Variants in GRIP1 observed in about 807,000 individuals in gnomAD.
GRIP1 encodes glutamate receptor-interacting protein 1.
A neutral mutation model predicts 129.9 loss-of-function variants in GRIP1; 45 were observed. The observed-to-expected ratio is 0.35, with a 90% CI of 0.27 to 0.44. The LOEUF is 0.44. Among genes scored for constraint, GRIP1 ranks in the 20% least tolerant of loss-of-function variants. The pLI, the probability that GRIP1 is intolerant of heterozygous loss-of-function variation, is 1.00. For missense variants in GRIP1, 1,196 were observed against 1,396.8 expected, an observed-to-expected ratio of 0.86 and a Z score of 2.29; for synonymous variants, 530 against 520.8, an observed-to-expected ratio of 1.02 and a Z score of -0.24.
At chr12:66,609,401 G>A (rs1375509672) in intron 1 of GRIP1, among the ~76,000 whole-genome samples, 1 of 152,020 alleles carries the variant, frequency 6.6e-6, no homozygotes, top group Admixed American at 6.6e-5. Context: ...TTTTATTTAA[G>A]CTATGGGCTA....
chr12:66,356,097 T>G (rs1322302733), intron 23 of GRIP1, among the ~76,000 whole-genome samples: 1 of 152,148 alleles, frequency 6.6e-6, no homozygotes, highest in Non-Finnish European at 1.5e-5. Context: ...CAGGCCGGCC[T>G]ATCTGTGGGC....
chr12:66,679,075 C>A lies in GRIP1; in HGVS notation c.-171G>T, dbSNP rs528883817. 6.6e-7 allele frequency: 1 copy of A among 1,509,170 alleles called. No homozygotes were observed. The highest frequency in any genetic ancestry group is 8.9e-7 in the Non-Finnish European group (1 of 1,129,132). 93.5% of individuals were successfully genotyped at this position (1,509,170 alleles called of 1,614,324 possible). A position where few individuals can be genotyped will look rare whatever the true frequency, so the allele number is the denominator to read the frequency against. On this transcript the variant is annotated 5_prime_UTR_variant, in exon 1 of 25. Coordinates refer to ENST00000359742, the MANE Select transcript of GRIP1 (RefSeq NM_001366722.1). ...GATGCAGAGGTCCGCTACATGTCATCTGGCAAATCTGTGTCATTCACTACT... is the reference window on the plus strand; with the variant it reads ...GATGCAGAGGTCCGCTACATGTCATATGGCAAATCTGTGTCATTCACTACT...
At chr12:66,713,809 G>A (rs1007855645) in intron 1 of GRIP1, among the ~76,000 whole-genome samples, 3 of 152,166 alleles carry the variant, frequency 2.0e-5, no homozygotes, top group East Asian at 1.9e-4. Flanking sequence ...TCTGTCAACA[G>A]AAACTAGGTC....
intron 2 of GRIP1, among the ~76,000 whole-genome samples, chr12:66,557,027 C>A (rs2062359403): frequency 6.6e-6 from 1 of 151,710 alleles, no homozygotes; most frequent in South Asian, 2.1e-4. Flanking sequence ...AATCAAGAGA[C>A]ACAGAGTGGC....
intron 1 of GRIP1, among the ~76,000 whole-genome samples, chr12:66,742,393 C>T (rs1285735958): frequency 6.6e-6 from 1 of 152,140 alleles, no homozygotes; most frequent in Non-Finnish European, 1.5e-5. Flanking sequence ...GTATAAATTG[C>T]TACACGCAGC....
chr12:67,026,379 C>T lies in GRIP1; in HGVS notation c.58+42671G>A, dbSNP rs546352584. Among the ~76,000 whole-genome samples the T allele has an allele frequency of 1.4e-4, 22 of 152,226 alleles. No individual in the cohort carries two copies. In the South Asian group the frequency reaches 4.6e-3, roughly 32 times the overall value. On this transcript the variant is annotated intron_variant, in intron 1 of 1. Transcript: ENST00000643019. ...TTTTTCTCAAGCTTGTTTTCTACTTCCTTACTTTTGACTTCCATAGTGTCC... is the reference window on the plus strand; with the variant it reads ...TTTTTCTCAAGCTTGTTTTCTACTTTCTTACTTTTGACTTCCATAGTGTCC...
chr12:67,033,752 T>G (rs2043055826), intron 1 of GRIP1, among the ~76,000 whole-genome samples: 1 of 152,188 alleles, frequency 6.6e-6, no homozygotes, highest in Admixed American at 6.5e-5. Flanking sequence ...CCTGAACCAT[T>G]GGTTGTCTCA....
chr12:66,618,811 A>G (rs911770169), intron 1 of GRIP1, among the ~76,000 whole-genome samples: 1 of 152,142 alleles, frequency 6.6e-6, no homozygotes, highest in Non-Finnish European at 1.5e-5. Context: ...TATTGGATGG[A>G]GACTGCTGAA....
chr12:66,688,656 T>C (rs1010741932), intron 1 of GRIP1, among the ~76,000 whole-genome samples: 1 of 152,046 alleles, frequency 6.6e-6, no homozygotes, highest in African/African-American at 2.4e-5. Flanking sequence ...AGGGTCCTTT[T>C]CTTTCACTTA....
At chr12:66,712,968 A>G (rs1249144996) in intron 1 of GRIP1, among the ~76,000 whole-genome samples, 1 of 152,036 alleles carries the variant, frequency 6.6e-6, no homozygotes, top group Non-Finnish European at 1.5e-5. Flanking sequence ...GATTAAGTCT[A>G]GAACAAATGG....
chr12:66,899,814 CTT>C (rs1008644030), intron 1 of GRIP1, among the ~76,000 whole-genome samples: 4 of 152,194 alleles, frequency 2.6e-5, no homozygotes, highest in Non-Finnish European at 5.9e-5. Flanking sequence ...CTCTGGGCCT[CTT>C]TGAAAATCTC....
At chr12:66,615,283 T>C (rs925608985) in intron 1 of GRIP1, among the ~76,000 whole-genome samples, 2 of 152,164 alleles carry the variant, frequency 1.3e-5, no homozygotes, top group Non-Finnish European at 1.5e-5. Context: ...ATCATGTTTT[T>C]TGTCATAGAG....
At chr12:66,552,651 G>A (rs183935054) in intron 2 of GRIP1, among the ~76,000 whole-genome samples, 24 of 152,296 alleles carry the variant, frequency 1.6e-4, no homozygotes, top group African/African-American at 4.8e-4. Context: ...CCAAAAGAAT[G>A]TATAGATGAA....
intron 1 of GRIP1, among the ~76,000 whole-genome samples, chr12:67,043,728 C>G (rs1294100606): frequency 6.6e-6 from 1 of 152,134 alleles, no homozygotes; most frequent in Non-Finnish European, 1.5e-5. Context: ...AGAAAAACCC[C>G]ATAATCCACA....
rs2037192612 is a variant in GRIP1, at chr12:66,753,505, A to G, written c.-420+50548T>C. Among the ~76,000 whole-genome samples, 3 of 152,208 alleles carry G rather than the reference A, an allele frequency of 2.0e-5. No individual in the cohort carries two copies. In the South Asian group the frequency reaches 6.2e-4, roughly 32 times the overall value. On this transcript the variant is annotated intron_variant, in intron 1 of 4. Coordinates refer to the GRIP1 transcript ENST00000538373. The stretch of plus-strand genomic sequence containing the variant: ...GACCTGTGACCTAAGTGAAAAATAA[A>G]TCACCTATGATGTTATGCCACTGAG...
At chr12:66,389,757 T>A (rs1268742039) in intron 19 of GRIP1, among the ~76,000 whole-genome samples, 1 of 152,210 alleles carries the variant, frequency 6.6e-6, no homozygotes. Flanking sequence ...CAGCTTGCTT[T>A]GCTCCGGGCT....
chr12:66,583,468 G>C (rs991189145), intron 2 of GRIP1, among the ~76,000 whole-genome samples: 6 of 128,928 alleles, frequency 4.7e-5, no homozygotes, highest in Non-Finnish European at 6.7e-5. Context: ...GAGTGAACAG[G>C]CAACCTACAA....
intron 2 of GRIP1, among the ~76,000 whole-genome samples, chr12:66,544,948 CTG>C (rs1487812424): frequency 6.6e-6 from 1 of 152,154 alleles, no homozygotes; most frequent in East Asian, 1.9e-4. Context: ...TGAACAAACA[CTG>C]TGGTAAAACA....
intron 1 of GRIP1, among the ~76,000 whole-genome samples, chr12:66,673,722 C>G (rs1048943799): frequency 1.3e-5 from 2 of 152,178 alleles, no homozygotes; most frequent in Admixed American, 1.3e-4. Context: ...AGCAAGAAAT[C>G]CATCACAATC....
Sources: allele counts gnomAD v4.1 joint callset (sites outside exome capture counted in the v4.1 genomes callset), GRCh38; gene constraint gnomAD v4.1.1; transcripts MANE v1.5; gene names NCBI Gene and HGNC (gene_info 2026-07-23, HGNC 2026-07-21).